The following TEKT5 variants were observed in gnomAD, a reference collection of about 807,000 sequenced individuals.
The protein encoded by TEKT5 is tektin-5.
Under a neutral mutation model 48.7 loss-of-function variants are expected in TEKT5, and 52 were observed. The ratio of observed to expected loss-of-function variants is 1.07; its 90% CI spans 0.86 to 1.35. TEKT5 has a LOEUF of 1.35. Ranked by LOEUF, TEKT5 falls within the 40% of genes most tolerant of loss-of-function variation. The pLI is 0.00. For synonymous variants in TEKT5, 318 were observed against 267.6 expected, an observed-to-expected ratio of 1.19 and a Z score of -1.84; for missense variants, 831 against 641.6, an observed-to-expected ratio of 1.30 and a Z score of -3.19.
chr16:10,678,528 G>A (rs1898688998), intron 4 of TEKT5, among the ~76,000 whole-genome samples: 1 of 152,166 alleles, frequency 6.6e-6, no homozygotes, highest in South Asian at 2.1e-4. Context: ...GGCATCTCGG[G>A]CTTCTGGAGA....
In TEKT5 at chr16:10,689,972, G is replaced by A; in HGVS notation, c.618C>T (p.Val206=). 1 of 1,613,966 alleles carries A rather than the reference G, an allele frequency of 6.2e-7. No individual in the cohort carries two copies. Among genetic ancestry groups the A allele is most frequent in the South Asian group, 1.1e-5 (1 of 91,040 alleles). ...HREKRIGIDL[V]HDNVEKNLIR... is the part of the protein sequence containing the mutation. Reference sequence around the variant, plus strand: ...TAAGGTTTTTCTCCACGTTGTCATGGACCAAATCAATCCCAATCCTCTTCT... The same window carrying A: ...TAAGGTTTTTCTCCACGTTGTCATGAACCAAATCAATCCCAATCCTCTTCT... The change falls in exon 2 of 7, where the codon GTC becomes GTT. Residue 206 remains valine (V), a synonymous_variant. Coordinates refer to ENST00000283025, the MANE Select transcript of TEKT5 (RefSeq NM_144674.2).
At chr16:10,632,763 T>C (rs887685761) in intron 6 of TEKT5, among the ~76,000 whole-genome samples, 5 of 151,888 alleles carry the variant, frequency 3.3e-5, no homozygotes, top group African/African-American at 9.7e-5. Flanking sequence ...CATGCACAGA[T>C]GGGACAATTT....
chr16:10,690,454 A>G lies in TEKT5; in HGVS notation c.565-429T>C, dbSNP rs556271142. The G allele has an allele frequency of 1.2e-5, 7 of 569,948 alleles. No individual in the cohort carries two copies. The South Asian group carries it at 5.3e-4, about 43-fold the overall frequency. The allele number at this position is 569,948 out of a possible 1,614,324, so 35.3% of individuals were successfully genotyped here. A position where few individuals can be genotyped will look rare whatever the true frequency, so the allele number is the denominator to read the frequency against. On this transcript the variant is annotated intron_variant, in intron 1 of 6. Transcript: ENST00000283025. ...GGCTTGACCACTTCCTATTGTGTGCATTTGGGCAAACTGCTTAACCTCTCT... is the reference window on the plus strand; with the variant it reads ...GGCTTGACCACTTCCTATTGTGTGCGTTTGGGCAAACTGCTTAACCTCTCT...
chr16:10,670,732 T>C (rs1036025127), intron 5 of TEKT5, among the ~76,000 whole-genome samples: 1 of 152,132 alleles, frequency 6.6e-6, no homozygotes, highest in Non-Finnish European at 1.5e-5. Flanking sequence ...TGCTAACTTA[T>C]TTGCAGAACA....
At chr16:10,669,116 G>A (rs1898510863) in intron 5 of TEKT5, among the ~76,000 whole-genome samples, 1 of 152,112 alleles carries the variant, frequency 6.6e-6, no homozygotes, top group Non-Finnish European at 1.5e-5. Context: ...ATGTGTACAT[G>A]AGTGTTCACA....
chr16:10,660,740 G>A (rs1325498761), intron 5 of TEKT5, among the ~76,000 whole-genome samples: 1 of 151,368 alleles, frequency 6.6e-6, no homozygotes, highest in Non-Finnish European at 1.5e-5. Context: ...TTGCTCTGTT[G>A]CCCAGGCTGG....
chr16:10,672,823 C>G lies in TEKT5; in HGVS notation c.1086+3136G>C, dbSNP rs545037514. On this transcript the variant is annotated intron_variant, in intron 5 of 6. Coordinates refer to ENST00000283025, the MANE Select transcript of TEKT5 (RefSeq NM_144674.2). ...GTGTTATGCCTGCATTAACTCAATC[C>G]TCACGGCAGTTATTTTTTGTTTTTG... is the stretch of plus-strand genomic sequence containing the variant. Among the ~76,000 whole-genome samples, 14 of 151,912 alleles carry G rather than the reference C, an allele frequency of 9.2e-5. No homozygotes were observed. The South Asian group carries it at 1.7e-3, about 18-fold the overall frequency.
chr16:10,689,387 C>G (rs1448488785), intron 2 of TEKT5, 64 bp from the exon 3 acceptor site: 1 of 1,405,322 alleles, frequency 7.1e-7, no homozygotes, highest in African/African-American at 1.4e-5. Flanking sequence ...TCTCCCAGGC[C>G]AGAGCCCTCA....
intron 1 of TEKT5, chr16:10,690,694 T>C: frequency 2.0e-6 from 2 of 985,372 alleles, no homozygotes; most frequent in Non-Finnish European, 2.4e-6. Context: ...CCCTGGGCCT[T>C]ACAACTCTCA....
chr16:10,648,308 T>G (rs1898101497), intron 5 of TEKT5, among the ~76,000 whole-genome samples: 1 of 151,874 alleles, frequency 6.6e-6, no homozygotes, highest in Non-Finnish European at 1.5e-5. Context: ...TTCCCTGGCT[T>G]TTATTTTTAT....
intron 5 of TEKT5, among the ~76,000 whole-genome samples, chr16:10,637,883 T>C (rs577450988): frequency 6.6e-6 from 1 of 152,324 alleles, no homozygotes; most frequent in Non-Finnish European, 1.5e-5. Flanking sequence ...CAATCGCAGC[T>C]TACCACAGCC....
intron 4 of TEKT5, among the ~76,000 whole-genome samples, chr16:10,678,748 AC>A (rs1391487179): frequency 6.6e-6 from 1 of 152,206 alleles, no homozygotes; most frequent in Non-Finnish European, 1.5e-5. Flanking sequence ...AGTGTCATAA[AC>A]AGCAACCTCT....
intron 5 of TEKT5, among the ~76,000 whole-genome samples, chr16:10,640,325 G>A (rs907671499): frequency 1.3e-5 from 2 of 152,030 alleles, no homozygotes; most frequent in Non-Finnish European, 1.5e-5. Flanking sequence ...TGTTGCCCAG[G>A]CTGGTCTCAA....
At chr16:10,673,947 C>T (rs536731995) in intron 5 of TEKT5, among the ~76,000 whole-genome samples, 16 of 152,142 alleles carry the variant, frequency 1.1e-4, no homozygotes, top group African/African-American at 2.2e-4. Context: ...CCACCACGCC[C>T]GGCCGCTGCA....
intron 1 of TEKT5, 74 bp from the exon 2 acceptor site, chr16:10,690,099 C>T: frequency 6.7e-7 from 1 of 1,482,272 alleles, no homozygotes; most frequent in East Asian, 2.3e-5. Context: ...GACTCACATC[C>T]ACCCTTGCCA....
At chr16:10,637,878 G>A (rs541312609) in intron 5 of TEKT5, among the ~76,000 whole-genome samples, 22 of 152,150 alleles carry the variant, frequency 1.4e-4, no homozygotes, top group Admixed American at 2.6e-4. Context: ...TTGCGCAATC[G>A]CAGCTTACCA....
chr16:10,629,015 C>T (rs754028183), intron 6 of TEKT5, among the ~76,000 whole-genome samples: 1 of 151,932 alleles, frequency 6.6e-6, no homozygotes, highest in African/African-American at 2.4e-5. Flanking sequence ...ACAAATATTG[C>T]GTGACTGCAT....
chr16:10,676,130 GTGTT>G lies in TEKT5; in HGVS notation c.911_914del (p.Lys304ThrfsTer45), dbSNP rs1567233726. Reference sequence around the variant, plus strand: ...TGGAGTTGGCCCGCATGTTCTGAGAGTGTTTGATGTTGTCGTTACTGAACTTGGC... The same window carrying G: ...TGGAGTTGGCCCGCATGTTCTGAGAGTGATGTTGTCGTTACTGAACTTGGC... On this transcript the variant is annotated frameshift_variant, in exon 5 of 7. Coordinates refer to ENST00000283025, the MANE Select transcript of TEKT5 (RefSeq NM_144674.2). LOFTEE classifies it high-confidence loss of function. 6.2e-7 allele frequency: 1 copy of G among 1,614,222 alleles called. No individual in the cohort carries two copies. Among genetic ancestry groups the G allele is most frequent in the East Asian group, 2.2e-5 (1 of 44,888 alleles).
chr16:10,628,396 T>G (rs1489183700), intron 6 of TEKT5, among the ~76,000 whole-genome samples: 9 of 152,162 alleles, frequency 5.9e-5, no homozygotes, highest in Admixed American at 5.9e-4. Flanking sequence ...AGACATAGAC[T>G]TACCACACAG....
Sources: gnomAD v4.1 joint callset for allele counts (sites outside exome capture counted in the v4.1 genomes callset) on GRCh38, gnomAD v4.1.1 for gene constraint, MANE v1.5 for transcripts, NCBI Gene and HGNC (gene_info 2026-07-23, HGNC 2026-07-21) for gene names.